The following TBXAS1 variants were observed in gnomAD, a reference collection of about 807,000 sequenced individuals.
TBXAS1 encodes thromboxane A synthase 1.
A neutral mutation model predicts 60.7 loss-of-function variants in TBXAS1; 48 were observed. The ratio of observed to expected loss-of-function variants is 0.79; its 90% confidence interval spans 0.63 to 1.01. The LOEUF is 1.01. Ranked by LOEUF, TBXAS1 falls within the 50% of genes least tolerant of loss-of-function variation. The pLI is 0.00. For synonymous variants in TBXAS1, 287 were observed against 269.7 expected (o/e 1.06, Z -0.63); for missense variants, 685 against 686.3 (o/e 1.00, Z 0.02).
At chr7:139,883,352 C>A (rs776359980) in intron 3 of TBXAS1, among the ~76,000 whole-genome samples, 17 of 152,150 alleles carry the variant, frequency 1.1e-4, no homozygotes, top group Non-Finnish European at 2.2e-4. Flanking sequence ...ATCCAAAGAC[C>A]CTTCTGAAGT....
At chr7:139,858,406 T>C (rs758155019) in intron 1 of TBXAS1, among the ~76,000 whole-genome samples, 9 of 152,188 alleles carry the variant, frequency 5.9e-5, no homozygotes, top group Admixed American at 6.5e-5. Context: ...GCTCAACAAA[T>C]ATCCAATAGT....
rs543960042 is a variant in TBXAS1 at position 139,998,335 on chromosome 7, T to C, written c.1135-8756T>C. On this transcript the variant is annotated intron_variant, in intron 9 of 12. Coordinates refer to ENST00000448866, the MANE Select transcript of TBXAS1 (RefSeq NM_001061.7). ...AAATTCATTGAGCTCTAAGTTTGTGTTTGTGTCATATTTTTCCATATGCGT... is the reference window on the plus strand; with the variant it reads ...AAATTCATTGAGCTCTAAGTTTGTGCTTGTGTCATATTTTTCCATATGCGT... 2.6e-5 allele frequency among the ~76,000 whole-genome samples: 4 copies of C among 152,246 alleles called. No individual in the cohort carries two copies. In the South Asian group the frequency reaches 8.3e-4, roughly 32 times the overall value.
chr7:139,822,115 A>G (rs1798315881), intron 4 of TBXAS1, among the ~76,000 whole-genome samples: 1 of 152,200 alleles, frequency 6.6e-6, no homozygotes, highest in Admixed American at 6.5e-5. Flanking sequence ...CAGAGAGATC[A>G]TTTTGGGTTC....
chr7:139,787,466 T>C (rs1370138076), intron 4 of TBXAS1: 1 of 152,244 alleles, frequency 6.6e-6, no homozygotes, highest in Non-Finnish European at 1.5e-5. Flanking sequence ...CTTTGGGCTC[T>C]ATTGACATTA....
Position 139,905,007 on chromosome 7 carries a change from C to T in TBXAS1, c.237-6218C>T, listed in dbSNP as rs980770141. 4.6e-3 allele frequency among the ~76,000 whole-genome samples: 282 copies of T among 61,694 alleles called. 7 individuals are homozygous for T. Among genetic ancestry groups the T allele is most frequent in the African/African-American group, 0.02 (258 of 13,216 alleles). The allele number at this position is 61,694 out of a possible 152,430, so 40.5% of individuals were successfully genotyped here. A position where few individuals can be genotyped will look rare whatever the true frequency, so the allele number is the denominator to read the frequency against. On this transcript the variant is annotated intron_variant, in intron 3 of 12. Transcript: ENST00000448866. ...TCTTTCTCTCTTTCTCTCTTTCTCT[C>T]TTTCTTTCTTTCTTTCTTTCTTTCT...
chr7:139,782,201 T>A (rs1008686231), intron 2 of TBXAS1, among the ~76,000 whole-genome samples: 1 of 140,156 alleles, frequency 7.1e-6, no homozygotes, highest in Non-Finnish European at 1.5e-5. Context: ...TTTAAAAAAA[T>A]CACTTTTTTT....
At chr7:139,875,777 A>G in intron 3 of TBXAS1, 140 bp downstream of exon 3, 1 of 1,123,420 alleles carries the variant, frequency 8.9e-7, no homozygotes, top group South Asian at 1.3e-5. Flanking sequence ...CAAAGGGCCC[A>G]CAAAGAGGGA....
At chr7:139,881,816 G>A (rs537434840) in intron 3 of TBXAS1, among the ~76,000 whole-genome samples, 68 of 152,304 alleles carry the variant, frequency 4.5e-4, no homozygotes, top group Non-Finnish European at 8.2e-4. Flanking sequence ...ACCACAGGAG[G>A]GGGAGGTGTC....
chr7:139,788,645 G>A (rs1797277133), intron 4 of TBXAS1, among the ~76,000 whole-genome samples: 1 of 152,202 alleles, frequency 6.6e-6, no homozygotes, highest in South Asian at 2.1e-4. Flanking sequence ...CTATGTGGAG[G>A]TGGACTTGGA....
intron 9 of TBXAS1, among the ~76,000 whole-genome samples, chr7:139,965,046 C>G (rs892958408): frequency 1.2e-4 from 18 of 152,186 alleles, no homozygotes; most frequent in Non-Finnish European, 2.9e-5. Flanking sequence ...CAGTAAAACT[C>G]CATCTCTACT....
rs73158640 is a variant in TBXAS1, at chr7:139,819,211, C to T, written c.-79-10101C>T. Among the ~76,000 whole-genome samples, 663 of 152,322 alleles carry T rather than the reference C, an allele frequency of 4.4e-3. 5 individuals carry two copies. The highest frequency in any genetic ancestry group is 6.9e-3 in the Non-Finnish European group (468 of 68,032). On this transcript the variant is annotated intron_variant, in intron 4 of 16. Coordinates refer to the TBXAS1 transcript ENST00000336425. ...TTTCCAAAGAGTGTGTACACCACCTCCAGGCCTGGCCTGTAAAATTCTTCC... is the reference window on the plus strand; with the variant it reads ...TTTCCAAAGAGTGTGTACACCACCTTCAGGCCTGGCCTGTAAAATTCTTCC...
At chr7:139,879,542 T>C (rs533690258) in intron 3 of TBXAS1, among the ~76,000 whole-genome samples, 1 of 152,264 alleles carries the variant, frequency 6.6e-6, no homozygotes, top group East Asian at 1.9e-4. Context: ...CCAAACTCTG[T>C]AAGAACAGAA....
chr7:139,913,747 A>G (rs983438136), intron 4 of TBXAS1: 1 of 152,584 alleles, frequency 6.6e-6, no homozygotes, highest in Non-Finnish European at 1.5e-5. Context: ...TAGAGTTCCA[A>G]TTTTCGTCCT....
At chr7:139,892,788 G>A (rs560779333) in intron 3 of TBXAS1, among the ~76,000 whole-genome samples, 1 of 152,240 alleles carries the variant, frequency 6.6e-6, no homozygotes, top group South Asian at 2.1e-4. Context: ...TGCATCTTGG[G>A]GAGTCTGCCG....
intron 12 of TBXAS1, among the ~76,000 whole-genome samples, chr7:140,019,311 G>C (rs1815351130): frequency 6.6e-6 from 1 of 152,146 alleles, no homozygotes; most frequent in Non-Finnish European, 1.5e-5. Context: ...GCAGACGGAG[G>C]AGCAGCCCCA....
intron 1 of TBXAS1, among the ~76,000 whole-genome samples, chr7:139,847,068 C>T (rs1055408530): frequency 6.6e-6 from 1 of 152,144 alleles, no homozygotes; most frequent in Non-Finnish European, 1.5e-5. Flanking sequence ...ACATATATTG[C>T]TATTAGTCCA....
At chr7:139,781,837 C>CAAAAAAAAAAAAAAAAAAAAAA (rs200999267) in intron 2 of TBXAS1, among the ~76,000 whole-genome samples, 1 of 67,312 alleles carries the variant, frequency 1.5e-5, no homozygotes, top group Non-Finnish European at 2.7e-5. Context: ...AATTCCATCT[C>CAAAAAAAAAAAAAAAAAAAAAA]AAAAAAAAAA....
chr7:139,964,665 G>A (rs996937245), intron 9 of TBXAS1, among the ~76,000 whole-genome samples: 2 of 151,954 alleles, frequency 1.3e-5, no homozygotes, highest in African/African-American at 2.4e-5. Flanking sequence ...GGCTAGGAGA[G>A]GGGGCAGAAG....
chr7:139,915,055 C>T (rs1021682929), intron 4 of TBXAS1, among the ~76,000 whole-genome samples: 5 of 152,126 alleles, frequency 3.3e-5, no homozygotes, highest in African/African-American at 9.7e-5. Context: ...ATAAGATCTC[C>T]AGGAAATCCC....
Sources: allele counts gnomAD v4.1 joint callset (sites outside exome capture counted in the v4.1 genomes callset), GRCh38; gene constraint gnomAD v4.1.1; transcripts MANE v1.5; gene names NCBI Gene and HGNC (gene_info 2026-07-23, HGNC 2026-07-21).